ARHGAP6: variants seen among roughly 807,000 people sequenced by gnomAD.
The protein encoded by ARHGAP6 is rho GTPase-activating protein 6.
Under a neutral mutation model 55.7 loss-of-function variants are expected in ARHGAP6, and 16 were observed. The ratio of observed to expected loss-of-function variants is 0.29; its 90% CI spans 0.19 to 0.44. The LOEUF (loss-of-function observed/expected upper bound fraction) is 0.44. Among genes scored for constraint, ARHGAP6 ranks in the 20% least tolerant of loss-of-function variants. The pLI, the probability that ARHGAP6 is intolerant of heterozygous loss-of-function variation, is 1.00. For synonymous variants in ARHGAP6, 382 were observed against 360.9 expected (o/e 1.06, Z -0.66); for missense variants, 698 against 808.9 (o/e 0.86, Z 1.66).
At chrX:11,307,117 T>TTTCTCTCACTGATTAG (rs1418699331) in intron 1 of ARHGAP6, among the ~76,000 whole-genome samples, 1 of 110,671 alleles carries the variant, frequency 9.0e-6, no homozygotes, top group African/African-American at 3.3e-5. Flanking sequence ...AGGCCCTGTC[T>TTTCTCTCACTGATTAG]TTCTCTCACT....
intron 3 of ARHGAP6, among the ~76,000 whole-genome samples, chrX:11,190,807 G>T (rs750520109): frequency 8.9e-6 from 1 of 111,745 alleles, no homozygotes; most frequent in East Asian, 2.8e-4. Flanking sequence ...CTCGTTTAGA[G>T]ACTTCTTATA....
intron 1 of ARHGAP6, among the ~76,000 whole-genome samples, chrX:11,515,636 T>C (rs1247734684): frequency 8.9e-6 from 1 of 112,394 alleles, no homozygotes; most frequent in Non-Finnish European, 1.9e-5. Flanking sequence ...CATTTTTATT[T>C]ATTTTTCTTC....
intron 1 of ARHGAP6, among the ~76,000 whole-genome samples, chrX:11,554,822 A>C (rs1323348672): frequency 8.9e-6 from 1 of 112,353 alleles, no homozygotes; most frequent in Non-Finnish European, 1.9e-5. Flanking sequence ...AGATGTCTAC[A>C]GTGAAAAAGT....
At chrX:11,372,856 T>C (rs2049160787) in intron 1 of ARHGAP6, among the ~76,000 whole-genome samples, 1 of 107,316 alleles carries the variant, frequency 9.3e-6, no homozygotes, top group South Asian at 4.1e-4. Flanking sequence ...ACAATTCTAC[T>C]GATGCTGAAA....
intron 1 of ARHGAP6, among the ~76,000 whole-genome samples, chrX:11,527,111 C>T (rs771340231): frequency 1.9e-5 from 2 of 107,434 alleles, no homozygotes; most frequent in South Asian, 8.5e-4. Context: ...TAAGATTACA[C>T]TGATATGTTT....
chrX:11,386,469 G>C (rs1234718625), intron 1 of ARHGAP6, among the ~76,000 whole-genome samples: 1 of 111,476 alleles, frequency 9.0e-6, no homozygotes, highest in Non-Finnish European at 1.9e-5. Context: ...CTTGTGGGAA[G>C]GGGAGAGGTG....
chrX:11,414,784 A>G (rs1192168293), intron 1 of ARHGAP6, among the ~76,000 whole-genome samples: 7 of 111,936 alleles, frequency 6.3e-5, no homozygotes, highest in African/African-American at 2.3e-4. Flanking sequence ...TCTTTCATTC[A>G]TAAATCACCT....
At chrX:11,432,725 T>A (rs768448844) in intron 1 of ARHGAP6, among the ~76,000 whole-genome samples, 1 of 111,646 alleles carries the variant, frequency 9.0e-6, no homozygotes, top group East Asian at 2.8e-4. Flanking sequence ...AGGCCCTCCT[T>A]GGCTGAAATC....
chrX:11,313,255 TAAC>T (rs951504281), intron 1 of ARHGAP6, among the ~76,000 whole-genome samples: 1 of 111,851 alleles, frequency 8.9e-6, no homozygotes, highest in Non-Finnish European at 1.9e-5. Context: ...CTTAAAAAAA[TAAC>T]AACAAACAAG....
chrX:11,354,125 A>T (rs1344983418), intron 1 of ARHGAP6, among the ~76,000 whole-genome samples: 1 of 109,434 alleles, frequency 9.1e-6, no homozygotes, highest in African/African-American at 3.3e-5. Flanking sequence ...TGTTTCCATT[A>T]TCTGCCAAAG....
At position 11,185,142 on chromosome X, in the gene ARHGAP6, C is replaced by CTGTGTGTGTG. The variant is rs3990773; in HGVS notation, c.1273+1084_1273+1093dup. 3.0e-3 allele frequency among the ~76,000 whole-genome samples: 286 copies of CTGTGTGTGTG among 95,980 alleles called. 3 individuals are homozygous for CTGTGTGTGTG. Among genetic ancestry groups the CTGTGTGTGTG allele is most frequent in the African/African-American group, 8.9e-3 (237 of 26,740 alleles). The allele number at this position is 95,980 out of a possible 115,157, so 83.3% of individuals were successfully genotyped here. A position where few individuals can be genotyped will look rare whatever the true frequency, so the allele number is the denominator to read the frequency against. The stretch of plus-strand genomic sequence containing the variant: ...GGGAATGTCATTATGTGGTGCATGA[C>CTGTGTGTGTG]TGTGTGTGTGTGTGTGTGTGTGTGT... On this transcript the variant is annotated intron_variant, in intron 5 of 12. Transcript: ENST00000337414.
intron 1 of ARHGAP6, among the ~76,000 whole-genome samples, chrX:11,493,953 C>A (rs189748268): frequency 1.8e-5 from 2 of 108,506 alleles, no homozygotes; most frequent in East Asian, 2.9e-4. Flanking sequence ...CCCACCTCAG[C>A]CTCCCAAGTA....
chrX:11,638,765 T>C (rs1601719265), intron 1 of ARHGAP6, among the ~76,000 whole-genome samples: 1 of 111,769 alleles, frequency 8.9e-6, no homozygotes, highest in Non-Finnish European at 1.9e-5. Context: ...ATGTACCCCA[T>C]AAATATATAC....
chrX:11,150,034 G>A (rs1304917549), intron 10 of ARHGAP6, among the ~76,000 whole-genome samples: 1 of 111,327 alleles, frequency 9.0e-6, no homozygotes, highest in Non-Finnish European at 1.9e-5. Flanking sequence ...ATATACCTGA[G>A]TTTAGTTCAT....
chrX:11,231,344 A>C (rs1427549733), intron 2 of ARHGAP6, among the ~76,000 whole-genome samples: 2 of 112,346 alleles, frequency 1.8e-5, no homozygotes, highest in African/African-American at 6.5e-5. Context: ...GTTAAAATGC[A>C]AAGTAAAAGC....
chrX:11,234,814 G>T (rs1226752317), intron 2 of ARHGAP6, among the ~76,000 whole-genome samples: 1 of 112,643 alleles, frequency 8.9e-6, no homozygotes, highest in Non-Finnish European at 1.9e-5. Flanking sequence ...TTCAATGGGT[G>T]AGTGCATAAA....
chrX:11,659,695 A>C (rs570293880), intron 1 of ARHGAP6, among the ~76,000 whole-genome samples: 3 of 111,740 alleles, frequency 2.7e-5, no homozygotes, highest in East Asian at 5.6e-4. Context: ...AGCGAGAGAG[A>C]GAAATGACCA....
At chrX:11,608,552 C>CTGTG (rs1215458006) in intron 1 of ARHGAP6, among the ~76,000 whole-genome samples, 3 of 111,557 alleles carry the variant, frequency 2.7e-5, no homozygotes, top group African/African-American at 9.8e-5. Flanking sequence ...CATCATGACT[C>CTGTG]TGTGTCCTTT....
At chrX:11,172,473 AC>A (rs370013754) in intron 8 of ARHGAP6, among the ~76,000 whole-genome samples, 10 of 110,067 alleles carry the variant, frequency 9.1e-5, no homozygotes, top group African/African-American at 3.3e-4. Flanking sequence ...GTTTCCCCTT[AC>A]CCCTGTAAAG....
Sources: gnomAD v4.1 joint callset for allele counts (sites outside exome capture counted in the v4.1 genomes callset) on GRCh38, gnomAD v4.1.1 for gene constraint, MANE v1.5 for transcripts, NCBI Gene and HGNC (gene_info 2026-07-23, HGNC 2026-07-21) for gene names.